MBP: variants seen among roughly 807,000 people sequenced by gnomAD.
MBP encodes the protein Golli-MBP.
MBP carries 16 observed loss-of-function variants against 35.8 expected under a neutral mutation model. That is an observed-to-expected ratio of 0.45 (90% CI 0.30 to 0.68). MBP has a LOEUF of 0.68. MBP is among the 30% of genes least tolerant of loss of function. The pLI, the probability that MBP is intolerant of heterozygous loss-of-function variation, is 0.08. For synonymous variants in MBP, 143 were observed against 159.6 expected, an observed-to-expected ratio of 0.90 and a Z score of 0.78; for missense variants, 380 against 404.7, an observed-to-expected ratio of 0.94 and a Z score of 0.52.
intron 3 of MBP, among the ~76,000 whole-genome samples, chr18:77,027,845 C>T (rs963745109): frequency 2.0e-5 from 3 of 152,106 alleles, no homozygotes; most frequent in African/African-American, 4.8e-5. Context: ...ATGAGACCAT[C>T]GCAGCCAATT....
At chr18:77,125,528 C>T (rs1009959353) in intron 1 of MBP, among the ~76,000 whole-genome samples, 73 of 152,022 alleles carry the variant, frequency 4.8e-4, no homozygotes, top group African/African-American at 1.6e-3. Flanking sequence ...TATAATCCCA[C>T]GTAATCATGA....
At chr18:77,096,597 A>G (rs942074641) in intron 2 of MBP, among the ~76,000 whole-genome samples, 3 of 152,236 alleles carry the variant, frequency 2.0e-5, no homozygotes, top group African/African-American at 7.2e-5. Context: ...AAGCTGATTA[A>G]ATAGAAAAAT....
At chr18:77,084,036 G>T (rs1010347032) in intron 2 of MBP, among the ~76,000 whole-genome samples, 6 of 151,310 alleles carry the variant, frequency 4.0e-5, no homozygotes, top group African/African-American at 1.2e-4. Context: ...ACCCATAAAC[G>T]CTCAGTTTAT....
intron 1 of MBP, among the ~76,000 whole-genome samples, chr18:77,117,137 C>T (rs1042669268): frequency 1.3e-5 from 2 of 152,198 alleles, no homozygotes; most frequent in African/African-American, 4.8e-5. Flanking sequence ...AGTAACAACT[C>T]CACAACTCAT....
chr18:77,117,094 A>C (rs2145194847), intron 1 of MBP, among the ~76,000 whole-genome samples: 1 of 152,328 alleles, frequency 6.6e-6, no homozygotes, highest in Non-Finnish European at 1.5e-5. Flanking sequence ...TTTCTCCTTC[A>C]CGTCACATGT....
intron 2 of MBP, among the ~76,000 whole-genome samples, chr18:77,087,080 A>G (rs536529628): frequency 5.3e-4 from 79 of 150,122 alleles, no homozygotes; most frequent in African/African-American, 1.4e-3. Flanking sequence ...AATTCCATAG[A>G]AAAAAAAAAC....
intron 2 of MBP, among the ~76,000 whole-genome samples, chr18:77,075,592 G>A (rs1213772685): frequency 1.3e-5 from 2 of 152,156 alleles, no homozygotes; most frequent in South Asian, 2.1e-4. Context: ...TTTGACTATA[G>A]CAGAGAGAAG....
intron 4 of MBP, among the ~76,000 whole-genome samples, chr18:76,994,151 A>G (rs2123198688): frequency 6.6e-6 from 1 of 152,346 alleles, no homozygotes; most frequent in South Asian, 2.1e-4. Flanking sequence ...TTTAAACTGT[A>G]AGACGTACAT....
Position 77,101,818 on chromosome 18 carries a change from G to A in MBP, c.51+3393C>T, listed in dbSNP as rs989198982. 6.6e-6 allele frequency among the ~76,000 whole-genome samples: 1 copy of A among 152,190 alleles called. No homozygotes were observed. The highest frequency in any genetic ancestry group is 1.5e-5 in the Non-Finnish European group (1 of 68,030). ...CAAAGGAGACTGGAAGCTCCTGCAG[G>A]CAACAGACGAGGCCTCCCCACCACC... is the stretch of plus-strand genomic sequence containing the variant. On this transcript the variant is annotated intron_variant, in intron 2 of 8. Transcript: ENST00000355994. The surrounding 1 kb of genome is among the most constrained non-coding windows in gnomAD (Gnocchi z 4.3).
chr18:77,077,421 C>T (rs1053572324), intron 2 of MBP, among the ~76,000 whole-genome samples: 2 of 151,944 alleles, frequency 1.3e-5, no homozygotes, highest in African/African-American at 4.8e-5. Context: ...AATACTTTCC[C>T]CTGCAAACTA....
chr18:77,066,061 T>C, intron 3 of MBP: 1 of 470,008 alleles, frequency 2.1e-6, no homozygotes, highest in Non-Finnish European at 3.8e-6. Context: ...CGAGGTCTCA[T>C]TGTGTTGCCC....
chr18:77,016,715 G>T (rs193219722), intron 4 of MBP, 117 bp downstream of exon 4: 3 of 1,482,772 alleles, frequency 2.0e-6, no homozygotes, highest in African/African-American at 2.8e-5. Context: ...CACGGAACGA[G>T]ACCTTAGACA....
At chr18:77,014,675 T>C in intron 4 of MBP, 1 of 985,460 alleles carries the variant, frequency 1.0e-6, no homozygotes. Context: ...TAGAGAGAGT[T>C]AAGCTTTCAT....
intron 3 of MBP, among the ~76,000 whole-genome samples, chr18:77,024,662 G>A (rs752860229): frequency 9.9e-5 from 15 of 152,216 alleles, no homozygotes; most frequent in Non-Finnish European, 2.1e-4. Flanking sequence ...AGAATCGGCC[G>A]TCGTGGCAGC....
intron 3 of MBP, among the ~76,000 whole-genome samples, chr18:77,039,598 G>A (rs910336841): frequency 2.0e-5 from 3 of 152,222 alleles, no homozygotes; most frequent in African/African-American, 7.2e-5. Context: ...GAACACAGCA[G>A]GCATGCAGGG....
intron 1 of MBP, among the ~76,000 whole-genome samples, chr18:77,130,084 A>G (rs557463559): frequency 5.3e-5 from 8 of 152,074 alleles, no homozygotes; most frequent in Non-Finnish European, 1.0e-4. Flanking sequence ...AGTAATTAGA[A>G]TATTTTCTTT....
intron 3 of MBP, among the ~76,000 whole-genome samples, chr18:77,021,906 G>A (rs901962325): frequency 2.6e-5 from 4 of 152,178 alleles, no homozygotes; most frequent in Middle Eastern, 3.4e-3. Flanking sequence ...GAGAACGCAC[G>A]GTGACACAGG....
intron 2 of MBP, chr18:77,097,111 C>T: frequency 6.6e-6 from 1 of 151,982 alleles, no homozygotes; most frequent in Non-Finnish European, 1.5e-5. Context: ...CCACGGACAC[C>T]CCCCCACCAA....
At chr18:77,009,740 G>C (rs1971223814) in intron 4 of MBP, 1 of 969,770 alleles carries the variant, frequency 1.0e-6, no homozygotes. Context: ...GGAGGCTGGG[G>C]GTGGGCCCCT....
Sources: allele counts gnomAD v4.1 joint callset (sites outside exome capture counted in the v4.1 genomes callset), GRCh38; gene constraint gnomAD v4.1.1; non-coding constraint Gnocchi (gnomAD v3.1); transcripts MANE v1.5; gene names NCBI Gene and HGNC (gene_info 2026-07-23, HGNC 2026-07-21).